CPEB3: variants seen among roughly 807,000 people sequenced by gnomAD.
The protein encoded by CPEB3 is cytoplasmic polyadenylation element-binding protein 3.
Under a neutral mutation model 67.2 loss-of-function variants are expected in CPEB3, and 20 were observed. The observed-to-expected ratio is 0.30, with a 90% confidence interval of 0.21 to 0.43. The LOEUF (loss-of-function observed/expected upper bound fraction) is 0.43. Ranked by LOEUF, CPEB3 falls within the 20% of genes least tolerant of loss-of-function variation. CPEB3 has a pLI of 1.00. For synonymous variants in CPEB3, 376 were observed against 393.1 expected, an observed-to-expected ratio of 0.96 and a Z score of 0.51; for missense variants, 746 against 968.6, an observed-to-expected ratio of 0.77 and a Z score of 3.05.
chr10:92,199,351 A>C (rs1250918350), intron 2 of CPEB3, among the ~76,000 whole-genome samples: 2 of 144,724 alleles, frequency 1.4e-5, no homozygotes, highest in African/African-American at 2.6e-5. Context: ...AGATCATGCC[A>C]TTGCACTCCA....
At chr10:92,102,264 A>C (rs1019392979) in intron 7 of CPEB3, among the ~76,000 whole-genome samples, 1 of 152,248 alleles carries the variant, frequency 6.6e-6, no homozygotes, top group East Asian at 1.9e-4. Context: ...GACCTCCGTC[A>C]GGCCTCAAGG....
intron 2 of CPEB3, among the ~76,000 whole-genome samples, chr10:92,203,662 C>T (rs1347324100): frequency 6.6e-6 from 1 of 151,612 alleles, no homozygotes; most frequent in East Asian, 1.9e-4. Context: ...AGGTGATTCA[C>T]CCAAAGTGCT....
In CPEB3 at chr10:92,239,610, G is replaced by C. The variant is rs749654756; in HGVS notation, c.741C>G (p.Ser247Arg). Residue 247 changes from serine to arginine, a missense_variant, in exon 2 of 10, where the codon AGC becomes AGG. Physicochemically the swap from Ser to Arg is moderately radical, Grantham distance 110. Transcript: ENST00000265997. This position sits in a 1 kb window ranked among gnomAD's most constrained non-coding sequence, Gnocchi z 6.0. ...SASSSWNTHQ[S>R]VNAAWSAPSN... ...ACGGTGCGCTCCAGGCTGCATTCAC[G>C]CTTTGGTGCGTGTTCCAGCTGGACG... is the stretch of plus-strand genomic sequence containing the variant. 16 of 1,556,714 alleles carry C rather than the reference G, an allele frequency of 1.0e-5. No individual in the cohort carries two copies. Among genetic ancestry groups the C allele is most frequent in the Non-Finnish European group, 1.2e-5 (14 of 1,150,318 alleles).
intron 6 of CPEB3, among the ~76,000 whole-genome samples, chr10:92,138,603 A>C (rs1272472092): frequency 6.6e-6 from 1 of 152,202 alleles, no homozygotes; most frequent in Non-Finnish European, 1.5e-5. Flanking sequence ...AAGGTGCTCA[A>C]TATTACTGAT....
At chr10:92,062,516 T>G (rs1842394779) in intron 9 of CPEB3, among the ~76,000 whole-genome samples, 1 of 152,130 alleles carries the variant, frequency 6.6e-6, no homozygotes, top group African/African-American at 2.4e-5. Context: ...GTCAGCCACC[T>G]TATTAAAACT....
chr10:92,057,690 A>C (rs1842165850), intron 9 of CPEB3, among the ~76,000 whole-genome samples: 1 of 152,204 alleles, frequency 6.6e-6, no homozygotes, highest in African/African-American at 2.4e-5. Flanking sequence ...GCACAGTCAG[A>C]GTGGTGGTGG....
At chr10:92,114,516 C>T (rs1167063033) in intron 6 of CPEB3, among the ~76,000 whole-genome samples, 1 of 152,172 alleles carries the variant, frequency 6.6e-6, no homozygotes, top group African/African-American at 2.4e-5. Context: ...GGGTACAAGT[C>T]CTAACATTTA....
intron 4 of CPEB3, among the ~76,000 whole-genome samples, chr10:92,179,567 C>T (rs1848374885): frequency 6.6e-6 from 1 of 152,092 alleles, no homozygotes; most frequent in Non-Finnish European, 1.5e-5. Context: ...TAATTCCCAT[C>T]GACTAGAAAA....
chr10:92,123,489 CGA>C (rs1564798875), intron 6 of CPEB3, among the ~76,000 whole-genome samples: 1 of 152,228 alleles, frequency 6.6e-6, no homozygotes, highest in Non-Finnish European at 1.5e-5. Context: ...AACAACCCAA[CGA>C]GTAGTATTAA....
At chr10:92,253,480 A>AAG (rs1554935015) in intron 1 of CPEB3, among the ~76,000 whole-genome samples, 5 of 150,132 alleles carry the variant, frequency 3.3e-5, no homozygotes, top group African/African-American at 1.2e-4. Context: ...AAAAAAAAAA[A>AAG]AAAAGAAAAG....
Position 92,052,146 on chromosome 10 carries a change from G to T in CPEB3, c.*66C>A. The T allele has an allele frequency of 9.4e-7, 1 of 1,063,920 alleles. No homozygotes were observed. Among genetic ancestry groups the T allele is most frequent in the East Asian group, 2.4e-5 (1 of 41,290 alleles). The allele number at this position is 1,063,920 out of a possible 1,614,324, so 65.9% of individuals were successfully genotyped here. ...ATTTCCAGAACACTGTAAGCCCTGAGGCAGTGCCCTCTCTTTTCCCTCCTT... is the reference window on the plus strand; with the variant it reads ...ATTTCCAGAACACTGTAAGCCCTGATGCAGTGCCCTCTCTTTTCCCTCCTT... On this transcript the variant is annotated 3_prime_UTR_variant, in exon 10 of 10. Coordinates refer to ENST00000265997, the MANE Select transcript of CPEB3 (RefSeq NM_014912.5).
intron 8 of CPEB3, among the ~76,000 whole-genome samples, chr10:92,088,773 G>A (rs1373001752): frequency 6.6e-6 from 1 of 152,106 alleles, no homozygotes; most frequent in Non-Finnish European, 1.5e-5. Context: ...GTTGAGTAGG[G>A]ACACCCATAT....
At chr10:92,274,653 C>T (rs1260125540) in intron 1 of CPEB3, among the ~76,000 whole-genome samples, 15 of 152,062 alleles carry the variant, frequency 9.9e-5, no homozygotes, top group Admixed American at 9.2e-4. Flanking sequence ...CCAGCCTCTC[C>T]AACATGGTGA....
chr10:92,092,262 CT>C (rs1322298125), intron 7 of CPEB3, among the ~76,000 whole-genome samples: 1 of 152,110 alleles, frequency 6.6e-6, no homozygotes, highest in East Asian at 1.9e-4. Flanking sequence ...TCAGATTCAT[CT>C]TAACACATGA....
In CPEB3 at chr10:92,087,135, T is replaced by C. The variant is rs923937879; in HGVS notation, c.1687+4695A>G. Among the ~76,000 whole-genome samples the C allele has an allele frequency of 5.3e-5, 8 of 152,226 alleles. 1 individual carries two copies. Among genetic ancestry groups the C allele is most frequent in the African/African-American group, 1.9e-4 (8 of 41,456 alleles). ...CATGGTTTCTAATACATGTGAACTA[T>C]CAAATGTTTATATAAAATGTCTGAA... is the stretch of plus-strand genomic sequence containing the variant. On this transcript the variant is annotated intron_variant, in intron 8 of 9. Transcript: ENST00000265997.
intron 8 of CPEB3, among the ~76,000 whole-genome samples, chr10:92,085,110 G>A (rs761485381): frequency 6.6e-6 from 1 of 152,194 alleles, no homozygotes; most frequent in Non-Finnish European, 1.5e-5. Flanking sequence ...GCTCCCAGGA[G>A]GATGTTCTTA....
At chr10:92,195,887 T>C (rs2134203462) in intron 2 of CPEB3, among the ~76,000 whole-genome samples, 1 of 152,338 alleles carries the variant, frequency 6.6e-6, no homozygotes, top group African/African-American at 2.4e-5. Context: ...TTTAAATCCA[T>C]GGTTACTTCT....
At chr10:92,207,747 G>A (rs1849861727) in intron 2 of CPEB3, among the ~76,000 whole-genome samples, 1 of 152,134 alleles carries the variant, frequency 6.6e-6, no homozygotes, top group African/African-American at 2.4e-5. Flanking sequence ...GCACATGCCT[G>A]TAGTCCCAGC....
chr10:92,066,396 TAGAC>T (rs201450457), intron 9 of CPEB3, among the ~76,000 whole-genome samples: 5 of 151,572 alleles, frequency 3.3e-5, no homozygotes, highest in Non-Finnish European at 5.9e-5. Context: ...AATAAATAGA[TAGAC>T]AGATAGATAG....
Sources: gnomAD v4.1 joint callset for allele counts (sites outside exome capture counted in the v4.1 genomes callset) on GRCh38, gnomAD v4.1.1 for gene constraint, Gnocchi (gnomAD v3.1) non-coding constraint, MANE v1.5 for transcripts, NCBI Gene and HGNC (gene_info 2026-07-23, HGNC 2026-07-21) for gene names.